KCNJ3: variants seen among roughly 807,000 people sequenced by gnomAD.
KCNJ3 encodes the protein potassium inwardly rectifying channel subfamily J member 3.
KCNJ3 carries 4 observed loss-of-function variants against 39.2 expected under a neutral mutation model. The observed-to-expected ratio is 0.10, with a 90% CI of 0.05 to 0.23. KCNJ3 has a LOEUF of 0.23. Among genes scored for constraint, KCNJ3 ranks in the 10% least tolerant of loss-of-function variants. The pLI is 1.00. For missense variants in KCNJ3, 276 were observed against 634.9 expected (o/e 0.43, Z 6.08); for synonymous variants, 230 against 237.4 (o/e 0.97, Z 0.29).
intron 2 of KCNJ3, among the ~76,000 whole-genome samples, chr2:154,749,810 T>TCAAG (rs1357566323): frequency 1.3e-5 from 2 of 151,936 alleles, no homozygotes; most frequent in Non-Finnish European, 2.9e-5. Context: ...GCCATGGAAG[T>TCAAG]CAAGTTTTCC....
chr2:154,822,083 A>G (rs1309169477), intron 2 of KCNJ3, among the ~76,000 whole-genome samples: 1 of 152,156 alleles, frequency 6.6e-6, no homozygotes, highest in Non-Finnish European at 1.5e-5. Flanking sequence ...ACACTTGCCA[A>G]ACTTAATGAT....
intron 2 of KCNJ3, among the ~76,000 whole-genome samples, chr2:154,731,093 A>C (rs1275893375): frequency 1.3e-5 from 2 of 152,280 alleles, no homozygotes; most frequent in Non-Finnish European, 1.5e-5. Context: ...AAGGTAGCCT[A>C]TTCAGATGAA....
At chr2:154,850,135 G>A (rs188749338) in intron 2 of KCNJ3, among the ~76,000 whole-genome samples, 7 of 142,494 alleles carry the variant, frequency 4.9e-5, no homozygotes, top group Admixed American at 2.3e-4. Flanking sequence ...AGATGAGCTC[G>A]TGTTGATTTT....
At chr2:154,765,606 G>A (rs1268036391) in intron 2 of KCNJ3, among the ~76,000 whole-genome samples, 2 of 152,070 alleles carry the variant, frequency 1.3e-5, no homozygotes, top group African/African-American at 4.8e-5. Flanking sequence ...TGAAACTAGC[G>A]AATATTTGCA....
intron 2 of KCNJ3, among the ~76,000 whole-genome samples, chr2:154,736,397 A>AAAAAAAAAAAAAAAAAAAAC (rs1685531088): frequency 2.0e-5 from 1 of 50,932 alleles, no homozygotes; most frequent in Non-Finnish European, 4.7e-5. Context: ...AAAAAAAAAA[A>AAAAAAAAAAAAAAAAAAAAC]AAAAAAAAAA....
At chr2:154,707,864 T>C (rs1326448572) in intron 1 of KCNJ3, among the ~76,000 whole-genome samples, 2 of 152,196 alleles carry the variant, frequency 1.3e-5, no homozygotes, top group South Asian at 2.1e-4. Flanking sequence ...ATTTATTTTG[T>C]TGTATTAATC....
chr2:154,842,679 C>T (rs1414996672), intron 2 of KCNJ3, among the ~76,000 whole-genome samples: 5 of 152,130 alleles, frequency 3.3e-5, no homozygotes, highest in Non-Finnish European at 7.3e-5. Context: ...GAATTGATTC[C>T]TTTACCATTA....
intron 2 of KCNJ3, among the ~76,000 whole-genome samples, chr2:154,714,703 A>G (rs1558854102): frequency 6.6e-6 from 1 of 152,200 alleles, no homozygotes; most frequent in Non-Finnish European, 1.5e-5. Flanking sequence ...TAGCTATTTT[A>G]TCCCTGCCCC....
intron 2 of KCNJ3, among the ~76,000 whole-genome samples, chr2:154,798,602 A>G (rs1434056317): frequency 6.6e-6 from 1 of 152,184 alleles, no homozygotes; most frequent in Non-Finnish European, 1.5e-5. Flanking sequence ...GTGACAAAAA[A>G]ATAGAGTCTG....
intron 2 of KCNJ3, among the ~76,000 whole-genome samples, chr2:154,816,135 T>C (rs1403749113): frequency 6.6e-6 from 1 of 152,198 alleles, no homozygotes; most frequent in Non-Finnish European, 1.5e-5. Context: ...AAACCTTTAT[T>C]TGAAATTCAG....
intron 2 of KCNJ3, among the ~76,000 whole-genome samples, chr2:154,838,742 G>A (rs1487670372): frequency 6.6e-6 from 1 of 152,120 alleles, no homozygotes; most frequent in Non-Finnish European, 1.5e-5. Context: ...CAAGGCTTTA[G>A]TAATCTTTGA....
At chr2:154,778,964 T>A (rs1686386412) in intron 2 of KCNJ3, among the ~76,000 whole-genome samples, 1 of 152,080 alleles carries the variant, frequency 6.6e-6, no homozygotes, top group African/African-American at 2.4e-5. Context: ...CTATGTGAAA[T>A]AGAGATAATA....
chr2:154,850,288 A>G (rs1687737192), intron 2 of KCNJ3, among the ~76,000 whole-genome samples: 1 of 152,010 alleles, frequency 6.6e-6, no homozygotes, highest in Non-Finnish European at 1.5e-5. Flanking sequence ...GCAATTATGA[A>G]TCTAAGCATG....
At chr2:154,828,613 A>G (rs1167186524) in intron 2 of KCNJ3, among the ~76,000 whole-genome samples, 2 of 152,156 alleles carry the variant, frequency 1.3e-5, no homozygotes, top group Non-Finnish European at 2.9e-5. Context: ...CTTAGCTCAG[A>G]CCAAACTGGG....
intron 2 of KCNJ3, among the ~76,000 whole-genome samples, chr2:154,725,223 G>T (rs1370506588): frequency 6.9e-6 from 1 of 145,678 alleles, no homozygotes; most frequent in East Asian, 2.0e-4. Context: ...AACAATAGAT[G>T]GTTATGTTCT....
At chr2:154,788,335 G>A (rs1199108484) in intron 2 of KCNJ3, among the ~76,000 whole-genome samples, 2 of 152,090 alleles carry the variant, frequency 1.3e-5, no homozygotes, top group Admixed American at 6.6e-5. Context: ...CTGCTTTCTG[G>A]TAGATAGGAA....
chr2:154,756,257 CAT>C (rs1451820097), intron 2 of KCNJ3, among the ~76,000 whole-genome samples: 3 of 152,110 alleles, frequency 2.0e-5, no homozygotes, highest in Non-Finnish European at 4.4e-5. Context: ...TAGCAATTGT[CAT>C]ATATATTATT....
intron 2 of KCNJ3, among the ~76,000 whole-genome samples, chr2:154,736,518 T>C (rs1260625111): frequency 2.6e-5 from 4 of 151,830 alleles, no homozygotes; most frequent in Admixed American, 6.6e-5. Flanking sequence ...TGACATTGGA[T>C]TCTGCCTGTG....
At position 154,781,765 on chromosome 2, in the gene KCNJ3, G is replaced by C. The variant is rs149642225; in HGVS notation, c.919+71946G>C. Among the ~76,000 whole-genome samples, 546 of 152,224 alleles carry C rather than the reference G, an allele frequency of 3.6e-3. 5 individuals carry two copies. Among genetic ancestry groups the C allele is most frequent in the African/African-American group, 0.012 (510 of 41,540 alleles). On this transcript the variant is annotated intron_variant, in intron 2 of 2. Coordinates refer to ENST00000295101, the MANE Select transcript of KCNJ3 (RefSeq NM_002239.4). ...CCATTTAATAATTTATTTGCAATAG[G>C]TACGTGTAATGAATATAGAGATTAT...
Sources: gnomAD v4.1 joint callset for allele counts (sites outside exome capture counted in the v4.1 genomes callset) on GRCh38, gnomAD v4.1.1 for gene constraint, MANE v1.5 for transcripts, NCBI Gene and HGNC (gene_info 2026-07-23, HGNC 2026-07-21) for gene names.